NPHP1: variants seen among roughly 807,000 people sequenced by gnomAD.
NPHP1 encodes nephrocystin 1, also known as nephrocystin-1.
Under a neutral mutation model 90.4 loss-of-function variants are expected in NPHP1, and 70 were observed. That is an observed-to-expected ratio of 0.77 (90% CI 0.64 to 0.95). The LOEUF (loss-of-function observed/expected upper bound fraction) is 0.95, where lower values mean the gene tolerates loss of function less well. NPHP1 is among the 40% of genes least tolerant of loss of function. NPHP1 has a pLI of 0.00. For synonymous variants in NPHP1, 256 were observed against 271.7 expected (o/e 0.94, Z 0.57); for missense variants, 764 against 795.9 (o/e 0.96, Z 0.48).
At chr2:110,155,445 G>C (rs941689191) in intron 11 of NPHP1, among the ~76,000 whole-genome samples, 2 of 152,152 alleles carry the variant, frequency 1.3e-5, no homozygotes, top group African/African-American at 2.4e-5. Context: ...CCCCAGAACA[G>C]TAGCTCCACC....
At chr2:110,187,396 C>A (rs1485037019) in intron 2 of NPHP1, among the ~76,000 whole-genome samples, 2 of 152,164 alleles carry the variant, frequency 1.3e-5, no homozygotes, top group Non-Finnish European at 2.9e-5. Flanking sequence ...CACCTCTATG[C>A]ACATGAACTA....
chr2:110,184,573 G>A (rs881302), intron 2 of NPHP1: 344,741 of 1,252,132 alleles, frequency 0.28, 52,291 homozygotes, highest in East Asian at 0.42. Flanking sequence ...ATCTATCAGG[G>A]CTTTGCCATG....
In NPHP1 at chr2:110,131,763, T is replaced by C. The variant is rs141786398; in HGVS notation, c.1558A>G (p.Met520Val). 2.5e-6 allele frequency: 4 copies of C among 1,609,890 alleles called. No individual in the cohort carries two copies. In the African/African-American group the frequency reaches 4.0e-5, roughly 16 times the overall value. Reference protein sequence around the residue: ...SLLPETLIGNMCSIHLLIFYR... With the variant: ...SLLPETLIGNVCSIHLLIFYR... ...AATATCAACAAGTGAATAGAACACATATTTCCAATTAATGTTTCTGGCAGT... is the reference window on the plus strand; with the variant it reads ...AATATCAACAAGTGAATAGAACACACATTTCCAATTAATGTTTCTGGCAGT... The change falls in exon 17 of 20, where the codon ATG becomes GTG. Residue 520 changes from methionine (M) to valine (V), a missense_variant. Transcript: ENST00000445609.
chr2:110,191,959 A>C (rs1684783054), intron 2 of NPHP1, among the ~76,000 whole-genome samples: 1 of 152,200 alleles, frequency 6.6e-6, no homozygotes, highest in African/African-American at 2.4e-5. Context: ...GACTGTTAGA[A>C]GGAAAACTAA....
intron 4 of NPHP1, among the ~76,000 whole-genome samples, chr2:110,173,966 T>A (rs1445345274): frequency 6.6e-6 from 1 of 152,172 alleles, no homozygotes; most frequent in Non-Finnish European, 1.5e-5. Flanking sequence ...TTTATCATTA[T>A]GAAATGTCCT....
chr2:110,151,214 A>G (rs1171956147), intron 11 of NPHP1, among the ~76,000 whole-genome samples: 1 of 151,352 alleles, frequency 6.6e-6, no homozygotes, highest in Non-Finnish European at 1.5e-5. Context: ...AGCATTTCAC[A>G]TGCAGTTCAT....
At chr2:110,204,810 A>T in intron 1 of NPHP1, 90 bp downstream of exon 1, 1 of 1,362,488 alleles carries the variant, frequency 7.3e-7, no homozygotes. Context: ...AGCTCCCAGG[A>T]TTAGGTGGGG....
intron 2 of NPHP1, among the ~76,000 whole-genome samples, chr2:110,197,331 G>A (rs1272400794): frequency 6.6e-6 from 1 of 151,958 alleles, no homozygotes; most frequent in Non-Finnish European, 1.5e-5. Flanking sequence ...CGTTTTAAAG[G>A]GAACAAAAGT....
At chr2:110,152,651 C>G (rs1301389743) in intron 11 of NPHP1, among the ~76,000 whole-genome samples, 1 of 149,820 alleles carries the variant, frequency 6.7e-6, no homozygotes, top group Non-Finnish European at 1.5e-5. Flanking sequence ...AGTAGTGAGC[C>G]TAAGCAAGTA....
At chr2:110,184,923 T>C in intron 2 of NPHP1, 2 of 683,006 alleles carry the variant, frequency 2.9e-6, no homozygotes, top group Non-Finnish European at 5.5e-6. Context: ...GTGTTCGCCA[T>C]CCAGAAGTCA....
chr2:110,177,868 A>T (rs1028529659), intron 4 of NPHP1, among the ~76,000 whole-genome samples: 4 of 151,918 alleles, frequency 2.6e-5, no homozygotes, highest in Admixed American at 6.6e-5. Context: ...TCAGCCTCCC[A>T]AGTAGCTGGG....
At chr2:110,190,022 C>T (rs1449154087) in intron 2 of NPHP1, among the ~76,000 whole-genome samples, 2 of 152,200 alleles carry the variant, frequency 1.3e-5, no homozygotes, top group African/African-American at 4.8e-5. Flanking sequence ...GGTGCATTCA[C>T]AAACACTGAG....
intron 11 of NPHP1, among the ~76,000 whole-genome samples, chr2:110,159,895 C>G (rs1419832450): frequency 6.6e-6 from 1 of 151,860 alleles, no homozygotes; most frequent in East Asian, 1.9e-4. Flanking sequence ...GACTTTAAAT[C>G]TTTTATCTTT....
chr2:110,131,785 C>A lies in NPHP1; in HGVS notation c.1536G>T (p.Leu512=). 1 of 1,585,228 alleles carries A rather than the reference C, an allele frequency of 6.3e-7. No individual in the cohort carries two copies. The highest frequency in any genetic ancestry group is 1.1e-5 in the South Asian group (1 of 90,272). Residue 512 remains leucine, a synonymous_variant, in exon 17 of 20, where the codon CTG becomes CTT. Transcript: ENST00000445609. ...NRRSRNVLSL[L]PETLIGNMCS... ...ACATATTTCCAATTAATGTTTCTGG[C>A]AGTAGACTATTAAAGAAGAAAAAAA... is the stretch of plus-strand genomic sequence containing the variant.
intron 11 of NPHP1, among the ~76,000 whole-genome samples, chr2:110,153,147 G>A (rs1418591453): frequency 6.6e-6 from 1 of 152,060 alleles, no homozygotes; most frequent in Non-Finnish European, 1.5e-5. Flanking sequence ...GAGAACAGAA[G>A]GAAATGACAC....
chr2:110,129,240 C>T lies in NPHP1; in HGVS notation c.1662G>A (p.Met554Ile). The change falls in exon 18 of 20, where the codon ATG becomes ATA. Residue 554 changes from methionine (M) to isoleucine (I), a missense_variant. Met to Ile is a conservative substitution (Grantham distance 10). Transcript: ENST00000445609. Reference protein sequence around the residue: ...LQSTDLISHPMLATFPMLLEQ... With the variant: ...LQSTDLISHPILATFPMLLEQ... ...CCAAGAGCATGGGGAAGGTGGCCAG[C>T]ATGGGATGGCTAATTAAATCTGAAA... is the stretch of plus-strand genomic sequence containing the variant. 1.9e-6 allele frequency: 3 copies of T among 1,613,398 alleles called. No homozygotes were observed. Among genetic ancestry groups the T allele is most frequent in the Non-Finnish European group, 2.5e-6 (3 of 1,179,444 alleles).
chr2:110,203,723 T>C (rs1335548494), intron 1 of NPHP1, among the ~76,000 whole-genome samples: 2 of 151,996 alleles, frequency 1.3e-5, no homozygotes, highest in Non-Finnish European at 1.5e-5. Context: ...TAAAGTGAAA[T>C]TAAAATGTCA....
intron 16 of NPHP1, among the ~76,000 whole-genome samples, chr2:110,138,650 C>A (rs543654386): frequency 6.6e-6 from 1 of 152,046 alleles, no homozygotes; most frequent in Non-Finnish European, 1.5e-5. Context: ...AGGGGCAGAA[C>A]GACCTGAGCA....
intron 1 of NPHP1, among the ~76,000 whole-genome samples, chr2:110,204,160 A>C (rs181513045): frequency 6.6e-6 from 1 of 152,300 alleles, no homozygotes; most frequent in Admixed American, 6.5e-5. Flanking sequence ...GTGCATACAC[A>C]TATGTTACAC....
Sources: gnomAD v4.1 joint callset for allele counts (sites outside exome capture counted in the v4.1 genomes callset) on GRCh38, gnomAD v4.1.1 for gene constraint, MANE v1.5 for transcripts, NCBI Gene and HGNC (gene_info 2026-07-23, HGNC 2026-07-21) for gene names.